Variants in SV2B observed in about 807,000 individuals in gnomAD.
The protein encoded by SV2B is synaptic vesicle glycoprotein 2B.
SV2B carries 41 observed loss-of-function variants against 73.9 expected under a neutral mutation model. The observed-to-expected ratio is 0.56, with a 90% CI of 0.43 to 0.72. The LOEUF is 0.72. Among genes scored for constraint, SV2B ranks in the 30% least tolerant of loss-of-function variants. SV2B has a pLI of 0.00. For synonymous variants in SV2B, 314 were observed against 314.2 expected (o/e 1.00, Z 0.01); for missense variants, 764 against 857.8 (o/e 0.89, Z 1.37).
chr15:91,264,639 GCCTCCCA>G (rs748739870), intron 6 of SV2B, among the ~76,000 whole-genome samples: 7 of 152,140 alleles, frequency 4.6e-5, no homozygotes, highest in Non-Finnish European at 8.8e-5. Flanking sequence ...CCGTTGAGTG[GCCTCCCA>G]TTTAGTTATT....
chr15:91,200,639 G>A (rs181282148), intron 1 of SV2B, among the ~76,000 whole-genome samples: 8 of 152,230 alleles, frequency 5.3e-5, no homozygotes, highest in African/African-American at 1.9e-4. Flanking sequence ...GGCTTGGCAC[G>A]GTGGCTCACA....
chr15:91,170,998 TCGC>T (rs1244914071), intron 1 of SV2B, among the ~76,000 whole-genome samples: 1 of 152,206 alleles, frequency 6.6e-6, no homozygotes, highest in Non-Finnish European at 1.5e-5. Flanking sequence ...ATTTAAGTCT[TCGC>T]AGCAGCTCTG....
chr15:91,283,577 A>T lies in SV2B; in HGVS notation c.1508-444A>T, dbSNP rs2048751193. Among the ~76,000 whole-genome samples the T allele has an allele frequency of 6.6e-6, 1 of 152,154 alleles. No homozygotes were observed. The highest frequency in any genetic ancestry group is 6.5e-5 in the Admixed American group (1 of 15,268). On this transcript the variant is annotated intron_variant, in intron 10 of 12. Coordinates refer to ENST00000394232, the MANE Select transcript of SV2B (RefSeq NM_001323032.3). This position sits in a 1 kb window ranked among gnomAD's most constrained non-coding sequence, Gnocchi z 4.3. ...CAGGTGCCAGAGTAGCTGGGACTAC[A>T]GGCACACACCACCCCACCTAGCTAA...
chr15:91,298,562 A>G lies in SV2B; in HGVS notation c.*6010A>G, dbSNP rs1216025093. The stretch of plus-strand genomic sequence containing the variant: ...TTGTTATAGTCATTGCTAATTACAG[A>G]ATGAGCAAGAGATTTATTTAGCAGG... On this transcript the variant is annotated 3_prime_UTR_variant, in exon 13 of 13. Coordinates refer to ENST00000394232, the MANE Select transcript of SV2B (RefSeq NM_001323032.3). The surrounding 1 kb of genome is among the most constrained non-coding windows in gnomAD (Gnocchi z 5.4). The G allele has an allele frequency of 6.6e-6, 1 of 152,208 alleles. No individual in the cohort carries two copies. Among genetic ancestry groups the G allele is most frequent in the African/African-American group, 2.4e-5 (1 of 41,456 alleles). 9.4% of individuals were successfully genotyped at this position (152,208 alleles called of 1,614,324 possible).
At chr15:91,279,375 A>G (rs73518797) in intron 9 of SV2B, among the ~76,000 whole-genome samples, 1,917 of 152,338 alleles carry the variant, frequency 0.013, 51 homozygotes, top group African/African-American at 0.044. Flanking sequence ...ATGTAATGAC[A>G]ATTTTGTCAT....
At chr15:91,274,951 C>T (rs2048435504) in intron 9 of SV2B, among the ~76,000 whole-genome samples, 1 of 152,094 alleles carries the variant, frequency 6.6e-6, no homozygotes, top group Non-Finnish European at 1.5e-5. Context: ...ATCTAAATCT[C>T]CAGCATCTTT....
At chr15:91,153,737 T>C (rs1386799090) in intron 1 of SV2B, among the ~76,000 whole-genome samples, 1 of 150,690 alleles carries the variant, frequency 6.6e-6, no homozygotes, top group Non-Finnish European at 1.5e-5. Flanking sequence ...AGCTGACTGC[T>C]GAGGGTCAGT....
chr15:91,117,714 GCCAAAC>G (rs1342406029), intron 1 of SV2B, among the ~76,000 whole-genome samples: 1 of 152,204 alleles, frequency 6.6e-6, no homozygotes, highest in Non-Finnish European at 1.5e-5. Context: ...AAATGACATG[GCCAAAC>G]CCAAACCCAT....
chr15:91,174,611 C>T (rs1190894085), intron 1 of SV2B, among the ~76,000 whole-genome samples: 2 of 152,214 alleles, frequency 1.3e-5, no homozygotes, highest in South Asian at 4.1e-4. Flanking sequence ...GCAGGAAGCT[C>T]CTGGCTAGCT....
chr15:91,221,759 T>C (rs1162685546), intron 1 of SV2B, among the ~76,000 whole-genome samples: 1 of 151,760 alleles, frequency 6.6e-6, no homozygotes, highest in Non-Finnish European at 1.5e-5. Context: ...CTGGTTTCAT[T>C]GCCGTTAGAT....
rs1247616427 is a variant in SV2B at position 91,139,606 on chromosome 15, C to G, written c.-392+39243C>G. On this transcript the variant is annotated intron_variant, in intron 1 of 12. Coordinates refer to ENST00000394232, the MANE Select transcript of SV2B (RefSeq NM_001323032.3). The surrounding 1 kb of genome is among the most constrained non-coding windows in gnomAD (Gnocchi z 5.2). The stretch of plus-strand genomic sequence containing the variant: ...AGCTGCAACCCCAGCTAAGGTGATC[C>G]CAGGTCTACAGTGTCCCTGGCTGTC... Among the ~76,000 whole-genome samples the G allele has an allele frequency of 2.6e-5, 4 of 152,084 alleles. No homozygotes were observed. The highest frequency in any genetic ancestry group is 9.7e-5 in the African/African-American group (4 of 41,396).
rs1257276948 is a variant in SV2B at position 91,295,171 on chromosome 15, G to C, written c.*2619G>C. On this transcript the variant is annotated 3_prime_UTR_variant, in exon 13 of 13. Coordinates refer to ENST00000394232, the MANE Select transcript of SV2B (RefSeq NM_001323032.3). ...AAATCTGTTCACAGTTCTTGATGAT[G>C]TATTTTATGATGCCCAGCTTGGAAA... The C allele has an allele frequency of 6.6e-6, 1 of 152,484 alleles. No individual in the cohort carries two copies. The highest frequency in any genetic ancestry group is 1.9e-4 in the East Asian group (1 of 5,196). The allele number at this position is 152,484 out of a possible 1,614,324, so 9.4% of individuals were successfully genotyped here. A position where few individuals can be genotyped will look rare whatever the true frequency, so the allele number is the denominator to read the frequency against.
At chr15:91,225,686 C>T (rs1470964859) in intron 1 of SV2B, among the ~76,000 whole-genome samples, 187 bp from the exon 2 acceptor site, 1 of 152,176 alleles carries the variant, frequency 6.6e-6, no homozygotes, top group East Asian at 1.9e-4. Context: ...GGTTCCTTCT[C>T]CTTTAGCCTC....
Position 91,258,387 on chromosome 15 carries a change from C to G in SV2B, c.785-34C>G. ...TCTTCCGTAGAGGAAAAGATCATGT[C>G]CCAGAAATCCTTTGACTGACTGCTC... On this transcript the variant is annotated intron_variant, in intron 4 of 12. Coordinates refer to ENST00000394232, the MANE Select transcript of SV2B (RefSeq NM_001323032.3). The surrounding 1 kb of genome is among the most constrained non-coding windows in gnomAD (Gnocchi z 4.7). 6.2e-7 allele frequency: 1 copy of G among 1,611,750 alleles called. No homozygotes were observed. The highest frequency in any genetic ancestry group is 8.5e-7 in the Non-Finnish European group (1 of 1,178,850).
chr15:91,225,376 C>T (rs923632803), intron 1 of SV2B, among the ~76,000 whole-genome samples: 32 of 152,114 alleles, frequency 2.1e-4, no homozygotes, highest in East Asian at 3.8e-4. Flanking sequence ...GTTAGAAAAG[C>T]GGCATTTTCG....
intron 1 of SV2B, among the ~76,000 whole-genome samples, chr15:91,142,847 A>G (rs900705865): frequency 6.6e-6 from 1 of 152,272 alleles, no homozygotes; most frequent in African/African-American, 2.4e-5. Flanking sequence ...TGTTTAGTTC[A>G]ACACTTATTT....
chr15:91,200,634 G>C (rs1364268005), intron 1 of SV2B, among the ~76,000 whole-genome samples: 1 of 152,190 alleles, frequency 6.6e-6, no homozygotes, highest in East Asian at 1.9e-4. Context: ...AAGCCGGCTT[G>C]GCACGGTGGC....
intron 1 of SV2B, among the ~76,000 whole-genome samples, chr15:91,178,412 G>C (rs2044410512): frequency 6.6e-6 from 1 of 151,474 alleles, no homozygotes; most frequent in Non-Finnish European, 1.5e-5. Flanking sequence ...CTCATAAAAT[G>C]AGTTAGGGAG....
intron 6 of SV2B, among the ~76,000 whole-genome samples, chr15:91,263,881 T>C (rs2048013721): frequency 6.6e-6 from 1 of 152,252 alleles, no homozygotes; most frequent in Non-Finnish European, 1.5e-5. Context: ...TCTATTCTTC[T>C]CCCTTTCGAA....
Sources: allele counts gnomAD v4.1 joint callset (sites outside exome capture counted in the v4.1 genomes callset), GRCh38; gene constraint gnomAD v4.1.1; non-coding constraint Gnocchi (gnomAD v3.1); transcripts MANE v1.5; gene names NCBI Gene and HGNC (gene_info 2026-07-23, HGNC 2026-07-21).